The following BCR variants were observed in gnomAD, a reference collection of about 807,000 sequenced individuals.
BCR encodes the protein BCR activator of RhoGEF and GTPase, also known as breakpoint cluster region protein.
Under a neutral mutation model 138.6 loss-of-function variants are expected in BCR, and 58 were observed. The observed-to-expected ratio is 0.42, with a 90% CI of 0.34 to 0.52. The LOEUF is 0.52. BCR is among the 20% of genes least tolerant of loss of function. The pLI is 0.06. For synonymous variants in BCR, 786 were observed against 730.1 expected (o/e 1.08, Z -1.23); for missense variants, 1,599 against 1,727.2 (o/e 0.93, Z 1.32).
chr22:23,314,437 A>C, intron 21 of BCR, 115 bp from the exon 22 acceptor site: 1 of 1,234,150 alleles, frequency 8.1e-7, no homozygotes, highest in Non-Finnish European at 1.2e-6. Context: ...GTCAGCTTGC[A>C]GCACAGCCAG....
intron 1 of BCR, among the ~76,000 whole-genome samples, chr22:23,204,814 C>T (rs911794718): frequency 3.9e-5 from 6 of 152,086 alleles, no homozygotes; most frequent in African/African-American, 7.2e-5. Context: ...ATGGGGGAGA[C>T]GGCAGCATGG....
chr22:23,277,075 G>A (rs926952787), intron 8 of BCR, among the ~76,000 whole-genome samples: 2 of 152,246 alleles, frequency 1.3e-5, no homozygotes, highest in Non-Finnish European at 2.9e-5. Flanking sequence ...GGAAAGGGGG[G>A]CAGAAGCTCC....
At chr22:23,263,373 C>G in intron 4 of BCR, 2 of 1,233,892 alleles carry the variant, frequency 1.6e-6, no homozygotes, top group Non-Finnish European at 2.4e-6. Flanking sequence ...CGGCTTCACG[C>G]GGCTCGGCAC....
intron 2 of BCR, 158 bp from the exon 3 acceptor site, chr22:23,260,792 C>A: frequency 1.5e-6 from 1 of 687,080 alleles, no homozygotes; most frequent in Non-Finnish European, 2.6e-6. Flanking sequence ...TTAGTATGTG[C>A]GGAGGGTCCC....
At chr22:23,270,755 C>T (rs115499205) in intron 5 of BCR, among the ~76,000 whole-genome samples, 92 of 152,384 alleles carry the variant, frequency 6.0e-4, no homozygotes, top group African/African-American at 2.1e-3. Flanking sequence ...AGGAATTAAT[C>T]TCAGCTCCTT....
In BCR at chr22:23,281,582, C is replaced by T. The variant is rs146560237; in HGVS notation, c.2116-2395C>T. Among the ~76,000 whole-genome samples the T allele has an allele frequency of 2.2e-3, 338 of 151,584 alleles. 1 individual carries two copies. Among genetic ancestry groups the T allele is most frequent in the African/African-American group, 7.8e-3 (320 of 41,230 alleles). On this transcript the variant is annotated intron_variant, in intron 8 of 22. Coordinates refer to ENST00000305877, the MANE Select transcript of BCR (RefSeq NM_004327.4). Reference sequence around the variant, plus strand: ...GTGGGCTGGGAGGGCAGGCAGGGGCCGAGTGACGGGGACTGCAGAGCGGGG... The same window carrying T: ...GTGGGCTGGGAGGGCAGGCAGGGGCTGAGTGACGGGGACTGCAGAGCGGGG...
At chr22:23,185,217 G>A (rs555323567) in intron 1 of BCR, among the ~76,000 whole-genome samples, 1 of 152,294 alleles carries the variant, frequency 6.6e-6, no homozygotes, top group Non-Finnish European at 1.5e-5. Flanking sequence ...GAGCTGTTCC[G>A]TTTGGCACGT....
rs1306028431 is a variant in BCR at position 23,268,414 on chromosome 22, C to T, written c.1759C>T (p.Gln587Ter). The T allele has an allele frequency of 6.2e-7, 1 of 1,610,694 alleles. No homozygotes were observed. ...CTTCCTTCCTCCCCCTCAGGCCAGC[C>T]AGCTGGGTGTGTACCGGGCCTTCGT... ...VGDLFQKLASQLGVYRAFVDN... is the reference protein window; with the variant it reads ...VGDLFQKLAS Residue 587 changes from glutamine to a stop codon, truncating the protein, a stop_gained, in exon 5 of 23, where the codon CAG becomes TAG. Transcript: ENST00000305877. LOFTEE classifies it high-confidence loss of function.
At chr22:23,237,400 T>C (rs2073039208) in intron 1 of BCR, among the ~76,000 whole-genome samples, 1 of 152,116 alleles carries the variant, frequency 6.6e-6, no homozygotes, top group Non-Finnish European at 1.5e-5. Flanking sequence ...GAGTAACAGG[T>C]GGGATCTGGA....
chr22:23,197,383 C>G (rs1024102787), intron 1 of BCR, among the ~76,000 whole-genome samples: 1 of 152,160 alleles, frequency 6.6e-6, no homozygotes, highest in African/African-American at 2.4e-5. Flanking sequence ...CAAGGTATGG[C>G]TTTATCTAAT....
Position 23,256,916 on chromosome 22 carries a change from A to G in BCR, c.1461+2936A>G, listed in dbSNP as rs149408203. ...AGCCTCAAGTTTTGTGTTTGTACCC[A>G]CCTAGGTAGGGTCATGGTAGGAGGG... is the stretch of plus-strand genomic sequence containing the variant. On this transcript the variant is annotated intron_variant, in intron 2 of 22. Coordinates refer to ENST00000305877, the MANE Select transcript of BCR (RefSeq NM_004327.4). Among the ~76,000 whole-genome samples, 347 of 151,898 alleles carry G rather than the reference A, an allele frequency of 2.3e-3. 3 individuals are homozygous for G. The highest frequency in any genetic ancestry group is 8.0e-3 in the African/African-American group (331 of 41,420).
chr22:23,246,707 A>G (rs2073161097), intron 1 of BCR, among the ~76,000 whole-genome samples: 1 of 152,146 alleles, frequency 6.6e-6, no homozygotes, highest in Admixed American at 6.5e-5. Flanking sequence ...CCAAGAGATG[A>G]TACGTGGGTT....
intron 8 of BCR, 121 bp from the exon 9 acceptor site, chr22:23,283,856 G>A (rs1174342240): frequency 7.4e-7 from 1 of 1,346,544 alleles, no homozygotes; most frequent in Non-Finnish European, 9.8e-7. Context: ...TGGAGGGAGT[G>A]AAATCTTCCC....
At chr22:23,274,732 ACCC>A (rs1458835286) in intron 8 of BCR, among the ~76,000 whole-genome samples, 1 of 151,648 alleles carries the variant, frequency 6.6e-6, no homozygotes, top group Admixed American at 6.6e-5. Flanking sequence ...ACATGGTGAA[ACCC>A]CGTCTCTACT....
intron 1 of BCR, among the ~76,000 whole-genome samples, chr22:23,239,837 A>G (rs189282111): frequency 6.6e-6 from 1 of 151,364 alleles, no homozygotes; most frequent in African/African-American, 2.4e-5. Flanking sequence ...TTTAAGAGAC[A>G]GCGTCTCCCT....
At chr22:23,196,163 A>G (rs925226897) in intron 1 of BCR, among the ~76,000 whole-genome samples, 1 of 152,162 alleles carries the variant, frequency 6.6e-6, no homozygotes, top group East Asian at 1.9e-4. Context: ...TTAAGCCTCT[A>G]GTGTTTTATA....
At chr22:23,239,355 A>G (rs889998819) in intron 1 of BCR, among the ~76,000 whole-genome samples, 3 of 152,182 alleles carry the variant, frequency 2.0e-5, no homozygotes, top group Non-Finnish European at 2.9e-5. Flanking sequence ...TCTGGGGTCA[A>G]TCTGTAATAA....
At chr22:23,234,056 T>G (rs2072993197) in intron 1 of BCR, among the ~76,000 whole-genome samples, 2 of 151,998 alleles carry the variant, frequency 1.3e-5, no homozygotes, top group African/African-American at 4.8e-5. Context: ...CCTCTGGGGG[T>G]GTCATTAATG....
intron 14 of BCR, among the ~76,000 whole-genome samples, chr22:23,292,118 A>G (rs1371468270): frequency 2.0e-5 from 3 of 152,048 alleles, no homozygotes; most frequent in Non-Finnish European, 4.4e-5. Context: ...TCTTTGCCCC[A>G]TAGTACAGCG....
Sources: gnomAD v4.1 joint callset for allele counts (sites outside exome capture counted in the v4.1 genomes callset) on GRCh38, gnomAD v4.1.1 for gene constraint, MANE v1.5 for transcripts, NCBI Gene and HGNC (gene_info 2026-07-23, HGNC 2026-07-21) for gene names.